Variants in PACSIN2 observed in about 807,000 individuals in gnomAD.
PACSIN2 encodes the protein protein kinase C and casein kinase substrate in neurons protein 2.
A neutral mutation model predicts 63.8 loss-of-function variants in PACSIN2; 25 were observed. The ratio of observed to expected loss-of-function variants is 0.39; its 90% CI spans 0.29 to 0.55. The LOEUF is 0.55. PACSIN2 is among the 20% of genes least tolerant of loss of function. The pLI is 0.62. For missense variants in PACSIN2, 518 were observed against 646.9 expected, an observed-to-expected ratio of 0.80 and a Z score of 2.16; for synonymous variants, 255 against 256.2, an observed-to-expected ratio of 1.00 and a Z score of 0.05.
intron 8 of PACSIN2, among the ~76,000 whole-genome samples, chr22:42,878,210 C>G (rs1356122515): frequency 2.0e-5 from 3 of 152,348 alleles, no homozygotes; most frequent in Admixed American, 2.0e-4. Context: ...TTCCCACCCC[C>G]AAGCATACAG....
chr22:42,905,365 A>G (rs1307271980), intron 2 of PACSIN2, among the ~76,000 whole-genome samples: 1 of 152,224 alleles, frequency 6.6e-6, no homozygotes, highest in Admixed American at 6.5e-5. Context: ...ACGCTCAGAG[A>G]CCACTCGGGC....
At chr22:42,965,827 C>A (rs1422040081) in intron 1 of PACSIN2, among the ~76,000 whole-genome samples, 1 of 152,034 alleles carries the variant, frequency 6.6e-6, no homozygotes, top group Non-Finnish European at 1.5e-5. Flanking sequence ...GACAGTAAAC[C>A]AGTAAAATTT....
chr22:42,931,688 C>T (rs777262241), intron 1 of PACSIN2, among the ~76,000 whole-genome samples: 60 of 152,198 alleles, frequency 3.9e-4, no homozygotes, highest in Non-Finnish European at 7.5e-4. Flanking sequence ...CTTCCAGCTG[C>T]TGGCTAGGCT....
intron 1 of PACSIN2, among the ~76,000 whole-genome samples, chr22:42,955,002 T>C (rs1378940353): frequency 2.0e-5 from 3 of 152,176 alleles, no homozygotes; most frequent in Non-Finnish European, 4.4e-5. Flanking sequence ...TTGCATATAT[T>C]GCTCCCGCTG....
In PACSIN2 at chr22:42,944,676, C is replaced by T. The variant is rs923646205; in HGVS notation, c.-77-32519G>A. 3.8e-4 allele frequency among the ~76,000 whole-genome samples: 58 copies of T among 152,128 alleles called. 1 individual carries two copies. The highest frequency in any genetic ancestry group is 3.5e-4 in the Non-Finnish European group (24 of 68,014). On this transcript the variant is annotated intron_variant, in intron 1 of 10. Transcript: ENST00000263246. ...CTGCTCAAAGCTAAGAAAACAATGA[C>T]GAGTTGACAGAAAGGACACAACACA...
intron 1 of PACSIN2, among the ~76,000 whole-genome samples, chr22:42,933,130 T>C (rs1323149898): frequency 6.6e-6 from 1 of 152,236 alleles, no homozygotes; most frequent in African/African-American, 2.4e-5. Flanking sequence ...TAGTCTATTA[T>C]TATCTTTATG....
At chr22:42,919,938 TAA>T (rs753694505) in intron 1 of PACSIN2, among the ~76,000 whole-genome samples, 28 of 132,474 alleles carry the variant, frequency 2.1e-4, no homozygotes, top group Non-Finnish European at 2.5e-4. Context: ...CCACCATCTC[TAA>T]AAAAAAAAAA....
intron 1 of PACSIN2, among the ~76,000 whole-genome samples, chr22:42,967,464 G>A (rs1920974829): frequency 6.6e-6 from 1 of 152,166 alleles, no homozygotes; most frequent in South Asian, 2.1e-4. Flanking sequence ...CAAAAGACAG[G>A]TAATACAACC....
intron 1 of PACSIN2, among the ~76,000 whole-genome samples, chr22:42,996,906 G>A (rs773567826): frequency 3.3e-5 from 5 of 152,222 alleles, no homozygotes; most frequent in Non-Finnish European, 5.9e-5. Flanking sequence ...ATGAGAATAA[G>A]TGTAATCACG....
chr22:42,976,905 T>C (rs969266608), intron 1 of PACSIN2, among the ~76,000 whole-genome samples: 1 of 152,236 alleles, frequency 6.6e-6, no homozygotes. Flanking sequence ...AACCATGCTC[T>C]AATCCCTGAG....
chr22:42,924,932 AT>A (rs1932440424), intron 1 of PACSIN2, among the ~76,000 whole-genome samples: 1 of 151,104 alleles, frequency 6.6e-6, no homozygotes, highest in Non-Finnish European at 1.5e-5. Flanking sequence ...AATTTTTTAT[AT>A]TTTTGGTAGA....
intron 1 of PACSIN2, among the ~76,000 whole-genome samples, chr22:42,977,780 T>G (rs552520969): frequency 6.6e-6 from 1 of 152,216 alleles, no homozygotes; most frequent in Admixed American, 6.5e-5. Context: ...CCCCTCACGC[T>G]CTCTGTCTCT....
chr22:42,923,309 C>T (rs755010910), intron 1 of PACSIN2, among the ~76,000 whole-genome samples: 2 of 152,228 alleles, frequency 1.3e-5, no homozygotes, highest in Non-Finnish European at 2.9e-5. Context: ...GCAAGGCAGA[C>T]CACATTGCTG....
At chr22:42,953,155 G>C (rs1486075886) in intron 1 of PACSIN2, among the ~76,000 whole-genome samples, 1 of 151,918 alleles carries the variant, frequency 6.6e-6, no homozygotes, top group Non-Finnish European at 1.5e-5. Flanking sequence ...AAGTTGAGAG[G>C]GCATATGGAG....
chr22:42,995,554 C>CA (rs1923339754), intron 1 of PACSIN2, among the ~76,000 whole-genome samples: 1 of 152,120 alleles, frequency 6.6e-6, no homozygotes, highest in South Asian at 2.1e-4. Flanking sequence ...GTGGAAAAAC[C>CA]AGAGTGTGTA....
chr22:42,877,684 C>T (rs1229294950), intron 8 of PACSIN2, among the ~76,000 whole-genome samples: 1 of 152,214 alleles, frequency 6.6e-6, no homozygotes, highest in Non-Finnish European at 1.5e-5. Context: ...CCAAGCTCTG[C>T]CTGAGGGCTG....
chr22:43,012,166 C>A (rs868589118), intron 1 of PACSIN2, among the ~76,000 whole-genome samples: 17 of 120,258 alleles, frequency 1.4e-4, no homozygotes, highest in African/African-American at 7.6e-4. Context: ...TACATACATA[C>A]ATACATACAT....
chr22:42,904,632 C>A (rs1429577174), intron 2 of PACSIN2, among the ~76,000 whole-genome samples: 2 of 152,162 alleles, frequency 1.3e-5, no homozygotes, highest in African/African-American at 4.8e-5. Flanking sequence ...GAAACGCCAG[C>A]TGGGAAAAGC....
chr22:42,974,975 T>C (rs1323286956), intron 1 of PACSIN2, among the ~76,000 whole-genome samples: 1 of 152,118 alleles, frequency 6.6e-6, no homozygotes, highest in Non-Finnish European at 1.5e-5. Context: ...CAGCTGACCT[T>C]TGAGTAGACT....
Sources: gnomAD v4.1 joint callset for allele counts (sites outside exome capture counted in the v4.1 genomes callset) on GRCh38, gnomAD v4.1.1 for gene constraint, MANE v1.5 for transcripts, NCBI Gene and HGNC (gene_info 2026-07-23, HGNC 2026-07-21) for gene names.